SPTAN1: variants seen among roughly 807,000 people sequenced by gnomAD.
SPTAN1 encodes spectrin alpha chain, non-erythrocytic 1.
In SPTAN1, 61 loss-of-function variants were observed where a neutral mutation model predicts 331.3. That is an observed-to-expected ratio of 0.18 (90% confidence interval 0.15 to 0.23). SPTAN1 has a LOEUF of 0.23. Among genes scored for constraint, SPTAN1 ranks in the 10% least tolerant of loss-of-function variants. The probability of loss-of-function intolerance (pLI) is 1.00; values close to 1 mark genes in which losing one functional copy is unlikely to be tolerated. For missense variants in SPTAN1, 2,043 were observed against 3,147.9 expected (o/e 0.65, Z 8.40); for synonymous variants, 1,153 against 1,173.9 (o/e 0.98, Z 0.36).
chr9:128,592,801 T>C (rs936476278), intron 22 of SPTAN1, among the ~76,000 whole-genome samples, 182 bp from the exon 23 acceptor site: 3 of 152,216 alleles, frequency 2.0e-5, no homozygotes, highest in Admixed American at 1.3e-4. Context: ...CTAATTTTCC[T>C]GCTATTTCTT....
In SPTAN1 at chr9:128,577,495, T is replaced by C; in HGVS notation, c.1074T>C (p.Asn358=). The change falls in exon 8 of 57, where the codon AAT becomes AAC. Residue 358 remains asparagine, a synonymous_variant. Transcript: ENST00000372739. This position sits in a 1 kb window ranked among gnomAD's most constrained non-coding sequence, Gnocchi z 4.2. ...CGGCAGAGAGACATGCACGGCTCAATGATTCATACAGGTGCAAATAATGCT... is the reference window on the plus strand; with the variant it reads ...CGGCAGAGAGACATGCACGGCTCAACGATTCATACAGGTGCAAATAATGCT... ...TLAAERHARL[N]DSYRLQRFLA... is the part of the protein sequence containing the mutation. 6.2e-7 allele frequency: 1 copy of C among 1,613,900 alleles called. No homozygotes were observed. The highest frequency in any genetic ancestry group is 1.1e-5 in the South Asian group (1 of 91,086).
chr9:128,626,222 C>A (rs1858711401), intron 48 of SPTAN1, 169 bp from the exon 49 acceptor site: 2 of 1,000,002 alleles, frequency 2.0e-6, no homozygotes, highest in Non-Finnish European at 3.1e-6. Context: ...GGAAAAAAGG[C>A]TGGTGAAGAC....
In SPTAN1 at chr9:128,584,375, G is replaced by T. The variant is rs372062686; in HGVS notation, c.2287G>T (p.Val763Leu). The change falls in exon 17 of 57, where the codon GTG (valine) becomes TTG (leucine). Residue 763 changes from valine to leucine, a missense_variant. Physicochemically the swap from Val to Leu is conservative, Grantham distance 32. Around this residue, in one of 12 missense-constraint regions of SPTAN1, gnomAD observed 1,038 missense variants for 1,531.5 expected, o/e 0.68. Transcript: ENST00000372739. The stretch of plus-strand genomic sequence containing the variant: ...CATCAAGAAGAAACAGGAAGCCCTC[G>T]TGGCTCGCTATGAGGCACTCAAGGA... ...ENIKKKQEAL[V>L]ARYEALKEPM... 6 of 1,614,146 alleles carry T rather than the reference G, an allele frequency of 3.7e-6. No individual in the cohort carries two copies. Among genetic ancestry groups the T allele is most frequent in the Non-Finnish European group, 5.1e-6 (6 of 1,180,036 alleles).
intron 21 of SPTAN1, among the ~76,000 whole-genome samples, chr9:128,590,712 G>A (rs758573213): frequency 3.3e-5 from 5 of 152,040 alleles, no homozygotes; most frequent in East Asian, 2.0e-4. Context: ...TTAGCTGTGC[G>A]TGGTGGCGTG....
intron 45 of SPTAN1, 65 bp from the exon 46 acceptor site, chr9:128,624,263 G>A: frequency 6.2e-7 from 1 of 1,603,536 alleles, no homozygotes; most frequent in Non-Finnish European, 8.5e-7. Context: ...CCTTTCCAGG[G>A]AGGGCATAGT....
chr9:128,594,739 C>G (rs1386952964), intron 24 of SPTAN1, among the ~76,000 whole-genome samples: 1 of 141,786 alleles, frequency 7.1e-6, no homozygotes, highest in Non-Finnish European at 1.5e-5. Flanking sequence ...GCCAGAGTCT[C>G]TTGATTTCTG....
Position 128,605,408 on chromosome 9 carries a change from A to G in SPTAN1, c.3977A>G (p.Lys1326Arg). Reference sequence around the variant, plus strand: ...AACCAGGCCTGGAGCAGCCTGGGGAAACGTGCAGATCAGCGCAAGGCAAAG... The same window carrying G: ...AACCAGGCCTGGAGCAGCCTGGGGAGACGTGCAGATCAGCGCAAGGCAAAG... ...ELNQAWSSLG[K>R]RADQRKAKLG... Residue 1326 changes from lysine (K) to arginine (R), a missense_variant, in exon 31 of 57, where the codon AAA (lysine) becomes AGA (arginine). By Grantham distance (26) the Lys-to-Arg change is conservative. Around this residue, in one of 12 missense-constraint regions of SPTAN1, gnomAD observed 179 missense variants for 215.7 expected, o/e 0.83. Coordinates refer to ENST00000372739, the MANE Select transcript of SPTAN1 (RefSeq NM_001130438.3). The G allele has an allele frequency of 6.2e-7, 1 of 1,614,252 alleles. No individual in the cohort carries two copies. Among genetic ancestry groups the G allele is most frequent in the Non-Finnish European group, 8.5e-7 (1 of 1,180,056 alleles).
intron 51 of SPTAN1, chr9:128,628,614 G>T (rs1207319871): frequency 1.0e-5 from 2 of 196,220 alleles, no homozygotes; most frequent in Non-Finnish European, 2.1e-5. Flanking sequence ...GCCTGGCCGG[G>T]TCACCTTTGT....
At chr9:128,630,540 T>C (rs1471118066) in intron 52 of SPTAN1, 165 bp downstream of exon 52, 1 of 642,878 alleles carries the variant, frequency 1.6e-6, no homozygotes, top group Non-Finnish European at 2.7e-6. Flanking sequence ...CTCTCTCTTT[T>C]CTTTCTTTCT....
rs1268108012 is a variant in SPTAN1, at chr9:128,585,738, C to T, written c.2561-10C>T. ...GTTTTTGTTATCCTCTTTCCCTACC[C>T]ATCTTCCAGGCCATTTTGCTGCAGA... On this transcript the variant is annotated splice_polypyrimidine_tract_variant and intron_variant, in intron 18 of 56. Transcript: ENST00000372739. 6.2e-7 allele frequency: 1 copy of T among 1,612,264 alleles called. No individual in the cohort carries two copies. The highest frequency in any genetic ancestry group is 1.7e-5 in the Admixed American group (1 of 60,026).
chr9:128,569,990 T>G (rs939190224), intron 3 of SPTAN1, among the ~76,000 whole-genome samples: 5 of 152,224 alleles, frequency 3.3e-5, no homozygotes, highest in African/African-American at 1.2e-4. Context: ...GTCATATGAC[T>G]AATAACATTT....
In SPTAN1 at chr9:128,588,468, C is replaced by T. The variant is rs142114097; in HGVS notation, c.2872-341C>T. Among the ~76,000 whole-genome samples the T allele has an allele frequency of 5.7e-3, 871 of 151,732 alleles. 9 individuals carry two copies. Among genetic ancestry groups the T allele is most frequent in the African/African-American group, 0.02 (820 of 41,358 alleles). On this transcript the variant is annotated intron_variant, in intron 20 of 56. Transcript: ENST00000372739. ...CTGGGATTACAGGCACGCACCACCA[C>T]GCCTGTCTAGTTTTGTATTTTTAGT... is the stretch of plus-strand genomic sequence containing the variant.
chr9:128,564,831 A>G (rs1170979591), intron 1 of SPTAN1, among the ~76,000 whole-genome samples: 4 of 152,210 alleles, frequency 2.6e-5, no homozygotes, highest in Non-Finnish European at 5.9e-5. Context: ...AGGACATTCT[A>G]AACAAAGGAA....
At chr9:128,574,471 A>G (rs1851079343) in intron 3 of SPTAN1, among the ~76,000 whole-genome samples, 1 of 151,944 alleles carries the variant, frequency 6.6e-6, no homozygotes, top group African/African-American at 2.4e-5. Context: ...TGTAACTTGA[A>G]GACCACCAAA....
intron 10 of SPTAN1, among the ~76,000 whole-genome samples, chr9:128,580,191 A>G (rs561198845): frequency 2.0e-5 from 3 of 152,010 alleles, no homozygotes; most frequent in Non-Finnish European, 4.4e-5. Context: ...GCACATTCCT[A>G]TAGTCCGAGC....
Position 128,621,355 on chromosome 9 carries a change from C to T in SPTAN1, c.5832+99C>T, listed in dbSNP as rs1589367475. 17 of 1,007,356 alleles carry T rather than the reference C, an allele frequency of 1.7e-5. No homozygotes were observed. In the Middle Eastern group the frequency reaches 1.5e-3, roughly 89 times the overall value. The allele number at this position is 1,007,356 out of a possible 1,614,324, so 62.4% of individuals were successfully genotyped here. A position where few individuals can be genotyped will look rare whatever the true frequency, so the allele number is the denominator to read the frequency against. On this transcript the variant is annotated intron_variant, in intron 45 of 56. Coordinates refer to ENST00000372739, the MANE Select transcript of SPTAN1 (RefSeq NM_001130438.3). ...AAAGTTCACTTCCTGGGATGTTCAC[C>T]AAACCAAGGTCTGCGTGGAGACCAG... is the stretch of plus-strand genomic sequence containing the variant.
At chr9:128,598,800 AG>A in intron 25 of SPTAN1, 162 bp from the exon 26 acceptor site, 1 of 693,092 alleles carries the variant, frequency 1.4e-6, no homozygotes, top group African/African-American at 1.8e-5. Context: ...TCAAAGAAAA[AG>A]TTTATATATA....
intron 41 of SPTAN1, among the ~76,000 whole-genome samples, chr9:128,616,462 T>C (rs1303976345): frequency 6.6e-6 from 1 of 151,292 alleles, no homozygotes; most frequent in Non-Finnish European, 1.5e-5. Flanking sequence ...AGAGAGAGGA[T>C]TTTGTTCTTA....
At chr9:128,581,662 T>C (rs1017580957) in intron 11 of SPTAN1, 120 bp from the exon 12 acceptor site, 6 of 801,840 alleles carry the variant, frequency 7.5e-6, no homozygotes, top group Non-Finnish European at 1.3e-5. Context: ...CTTAGAAGTT[T>C]AGCAGCCATA....
Sources: allele counts gnomAD v4.1 joint callset (sites outside exome capture counted in the v4.1 genomes callset), GRCh38; gene constraint gnomAD v4.1.1; regional missense constraint gnomAD v4.1.1; non-coding constraint Gnocchi (gnomAD v3.1); transcripts MANE v1.5; gene names NCBI Gene and HGNC (gene_info 2026-07-23, HGNC 2026-07-21).